VASH2: variants seen among roughly 807,000 people sequenced by gnomAD.
The protein encoded by VASH2 is tubulinyl-Tyr carboxypeptidase 2.
In VASH2, 28 loss-of-function variants were observed where a neutral mutation model predicts 37.2. The ratio of observed to expected loss-of-function variants is 0.75; its 90% CI spans 0.56 to 1.03. VASH2 has a LOEUF of 1.03. Among genes scored for constraint, VASH2 ranks in the 50% least tolerant of loss-of-function variants. The probability of loss-of-function intolerance (pLI) is 0.00; values close to 1 mark genes in which losing one functional copy is unlikely to be tolerated. For synonymous variants in VASH2, 188 were observed against 174.7 expected (o/e 1.08, Z -0.60); for missense variants, 419 against 459.1 (o/e 0.91, Z 0.80).
chr1:212,983,272 G>C (rs997828815), intron 7 of VASH2, among the ~76,000 whole-genome samples: 2 of 152,168 alleles, frequency 1.3e-5, no homozygotes, highest in African/African-American at 4.8e-5. Flanking sequence ...CAGAATACCT[G>C]AGACTGAGTC....
At chr1:212,985,188 A>AT (rs1220670460) in intron 7 of VASH2, among the ~76,000 whole-genome samples, 14 of 123,390 alleles carry the variant, frequency 1.1e-4, no homozygotes, top group Non-Finnish European at 1.8e-4. Context: ...TGTCTGGCTA[A>AT]TTTTTTTTGC....
intron 7 of VASH2, among the ~76,000 whole-genome samples, chr1:212,985,604 A>C (rs1282973620): frequency 1.3e-5 from 2 of 151,828 alleles, no homozygotes; most frequent in East Asian, 3.9e-4. Context: ...TTTAGTAGAG[A>C]CAGGGTTTCA....
intron 5 of VASH2, among the ~76,000 whole-genome samples, chr1:212,969,657 T>C (rs1666951718): frequency 6.6e-6 from 1 of 152,242 alleles, no homozygotes; most frequent in South Asian, 2.1e-4. Context: ...CGCCTCAGCC[T>C]CCCAAACAGA....
intron 5 of VASH2, 102 bp downstream of exon 5, chr1:212,966,447 A>C (rs1425183340): frequency 1.1e-5 from 11 of 969,908 alleles, no homozygotes; most frequent in East Asian, 5.3e-5. Context: ...GATGATGCCC[A>C]TTATCTCCTT....
chr1:212,984,319 G>T (rs1476990324), intron 7 of VASH2, among the ~76,000 whole-genome samples: 1 of 152,168 alleles, frequency 6.6e-6, no homozygotes, highest in Admixed American at 6.5e-5. Flanking sequence ...AGGAATTAAG[G>T]TGAGTGGCCA....
chr1:212,951,888 T>C lies in VASH2; in HGVS notation c.276+70T>C. ...GCAGCGATGGGACCGTTTCAGCCTA[T>C]ACATAGCAAACACAGGCAATCTCCA... On this transcript the variant is annotated intron_variant, in intron 2 of 7. Transcript: ENST00000517399. The surrounding 1 kb of genome is among the most constrained non-coding windows in gnomAD (Gnocchi z 4.4). 2 of 1,493,346 alleles carry C rather than the reference T, an allele frequency of 1.3e-6. No individual in the cohort carries two copies. The highest frequency in any genetic ancestry group is 1.3e-5 in the South Asian group (1 of 78,778). 92.5% of individuals were successfully genotyped at this position (1,493,346 alleles called of 1,614,324 possible).
At chr1:212,970,881 CTG>C (rs1666991342) in intron 5 of VASH2, among the ~76,000 whole-genome samples, 2 of 150,674 alleles carry the variant, frequency 1.3e-5, no homozygotes. Flanking sequence ...CAGAGTGAGA[CTG>C]TGTCTCAAAA....
chr1:212,957,245 C>T (rs1232450739), intron 2 of VASH2, among the ~76,000 whole-genome samples: 3 of 152,226 alleles, frequency 2.0e-5, no homozygotes, highest in Admixed American at 6.5e-5. Flanking sequence ...TGTATACCAT[C>T]GTATATTCCG....
At chr1:212,963,623 T>C (rs575779909) in intron 3 of VASH2, among the ~76,000 whole-genome samples, 5 of 145,004 alleles carry the variant, frequency 3.4e-5, no homozygotes, top group Admixed American at 2.1e-4. Context: ...CTCTGCTGGA[T>C]TGGGGGAGAA....
At chr1:212,955,526 G>A (rs1395298820) in intron 2 of VASH2, among the ~76,000 whole-genome samples, 2 of 152,200 alleles carry the variant, frequency 1.3e-5, no homozygotes, top group East Asian at 3.8e-4. Flanking sequence ...CTCAGAGAGA[G>A]TGGCCAGCCC....
intron 2 of VASH2, among the ~76,000 whole-genome samples, chr1:212,959,971 G>A (rs1461407477): frequency 6.6e-6 from 1 of 152,310 alleles, no homozygotes; most frequent in East Asian, 1.9e-4. Flanking sequence ...CACCCACGTG[G>A]GCTGAGATTC....
Position 212,972,965 on chromosome 1 carries a change from G to A in VASH2, c.879+4G>A, listed in dbSNP as rs369275438. The A allele has an allele frequency of 5.6e-6, 9 of 1,607,952 alleles. No homozygotes were observed. The highest frequency in any genetic ancestry group is 6.8e-6 in the Non-Finnish European group (8 of 1,179,732). ...TGCCAGGGACATGAGAATGAAGGTG[G>A]GTGCTGGGAAGACAAGGAAGCCATG... is the stretch of plus-strand genomic sequence containing the variant. On this transcript the variant is annotated splice_donor_region_variant and intron_variant, in intron 6 of 7. Transcript: ENST00000517399.
In VASH2 at chr1:212,990,543, G is replaced by C. The variant is rs533977708; in HGVS notation, c.*1959G>C. 6.6e-6 allele frequency: 1 copy of C among 152,254 alleles called. No individual in the cohort carries two copies. The highest frequency in any genetic ancestry group is 1.9e-4 in the East Asian group (1 of 5,190). The allele number at this position is 152,254 out of a possible 1,614,324, so 9.4% of individuals were successfully genotyped here. A position where few individuals can be genotyped will look rare whatever the true frequency, so the allele number is the denominator to read the frequency against. On this transcript the variant is annotated 3_prime_UTR_variant, in exon 8 of 8. Transcript: ENST00000517399. Reference sequence around the variant, plus strand: ...AACACTGCAACCATTCTAAGAGTTGGAATTTATTTTTGCCAAGTATTAAGT... The same window carrying C: ...AACACTGCAACCATTCTAAGAGTTGCAATTTATTTTTGCCAAGTATTAAGT...
Position 212,970,040 on chromosome 1 carries a change from G to A in VASH2, c.498-2540G>A, listed in dbSNP as rs532174226. Among the ~76,000 whole-genome samples, 6 of 152,284 alleles carry A rather than the reference G, an allele frequency of 3.9e-5. No homozygotes were observed. The South Asian group carries it at 1.2e-3, about 32-fold the overall frequency. On this transcript the variant is annotated intron_variant, in intron 5 of 7. Coordinates refer to ENST00000517399, the MANE Select transcript of VASH2 (RefSeq NM_001301056.2). Reference sequence around the variant, plus strand: ...TGTGAACTATGGCAGGTATTTTGGGGGGCCTCACTGGCCATGGTGGGGCTT... The same window carrying A: ...TGTGAACTATGGCAGGTATTTTGGGAGGCCTCACTGGCCATGGTGGGGCTT...
rs1383113563 is a variant in VASH2 at position 212,973,968 on chromosome 1, C to T, written c.893C>T (p.Ala298Val). 1 of 1,613,634 alleles carries T rather than the reference C, an allele frequency of 6.2e-7. No homozygotes were observed. The highest frequency in any genetic ancestry group is 8.5e-7 in the Non-Finnish European group (1 of 1,179,818). Residue 298 changes from alanine (A) to valine (V), a missense_variant, in exon 7 of 8, where the codon GCA (alanine) becomes GTA (valine). Around this residue, in one of 3 missense-constraint regions of VASH2, gnomAD observed 177 missense variants for 166.2 expected, o/e 1.06. Coordinates refer to ENST00000517399, the MANE Select transcript of VASH2 (RefSeq NM_001301056.2). ...RDMRMKILKP[A>V]SAHSPTQVRS... ...CATCTCCTTCAGATCCTGAAACCTG[C>T]AAGTGCCCACTCTCCGACCCAAGTG...
intron 3 of VASH2, among the ~76,000 whole-genome samples, chr1:212,965,200 G>A (rs1666803471): frequency 6.6e-6 from 1 of 152,180 alleles, no homozygotes; most frequent in African/African-American, 2.4e-5. Context: ...ACAGGCATAA[G>A]CCACTGCACC....
chr1:212,968,810 G>A (rs1298136124), intron 5 of VASH2: 9 of 985,504 alleles, frequency 9.1e-6, no homozygotes, highest in Middle Eastern at 1.0e-3. Context: ...AGAGATCAAC[G>A]AAGGGGAACA....
chr1:212,983,117 G>A (rs1667383257), intron 7 of VASH2, among the ~76,000 whole-genome samples: 1 of 152,200 alleles, frequency 6.6e-6, no homozygotes, highest in East Asian at 1.9e-4. Flanking sequence ...TGATTGATAA[G>A]TACGTATTCC....
chr1:212,973,668 G>T (rs188330134), intron 6 of VASH2: 1 of 1,251,056 alleles, frequency 8.0e-7, no homozygotes, highest in Non-Finnish European at 1.0e-6. Context: ...ACACAGCCCC[G>T]GGGAGACTGA....
Sources: allele counts gnomAD v4.1 joint callset (sites outside exome capture counted in the v4.1 genomes callset), GRCh38; gene constraint gnomAD v4.1.1; regional missense constraint gnomAD v4.1.1; non-coding constraint Gnocchi (gnomAD v3.1); transcripts MANE v1.5; gene names NCBI Gene and HGNC (gene_info 2026-07-23, HGNC 2026-07-21).